Variants in TMEM184A observed in about 807,000 individuals in gnomAD.
TMEM184A encodes the protein transmembrane protein 184A, also known as sexually dimorphic, expressed in male gonads 1.
In TMEM184A, 40 loss-of-function variants were observed where a neutral mutation model predicts 39.5. The observed-to-expected ratio is 1.01, with a 90% CI of 0.79 to 1.32. TMEM184A has a LOEUF of 1.32. Among genes scored for constraint, TMEM184A ranks in the 40% most tolerant of loss-of-function variants. The probability of loss-of-function intolerance (pLI) is 0.00; values close to 1 mark genes in which losing one functional copy is unlikely to be tolerated. For missense variants in TMEM184A, 603 were observed against 568.8 expected (o/e 1.06, Z -0.61); for synonymous variants, 280 against 252.3 (o/e 1.11, Z -1.04).
At chr7:1,551,075 G>A in intron 2 of TMEM184A, 93 bp from the exon 3 acceptor site, 1 of 1,432,528 alleles carries the variant, frequency 7.0e-7, no homozygotes, top group South Asian at 1.3e-5. Flanking sequence ...GTGGGTGCAG[G>A]AGGGTTTGGG....
rs1028357414 is a variant in TMEM184A at position 1,555,399 on chromosome 7, A to C, written c.86T>G (p.Val29Gly). 1.9e-6 allele frequency: 3 copies of C among 1,611,678 alleles called. No individual in the cohort carries two copies. Among genetic ancestry groups the C allele is most frequent in the African/African-American group, 1.3e-5 (1 of 74,788 alleles). Residue 29 changes from valine (V) to glycine (G), a missense_variant, in exon 2 of 9, where the codon GTG becomes GGG. Transcript: ENST00000297477. This position sits in a 1 kb window ranked among gnomAD's most constrained non-coding sequence, Gnocchi z 5.2. ...NWPQPSPPPAVPAGPQMDHMG... is the reference protein window; with the variant it reads ...NWPQPSPPPAGPAGPQMDHMG... ...GTGGTCCATCTGCGGCCCAGCTGGC[A>C]CAGCCGGTGGGGGGCTGGGCTGCGG...
At position 1,550,313 on chromosome 7, in the gene TMEM184A, C is replaced by G; in HGVS notation, c.468G>C (p.Lys156Asn). ...TGGGGTGACGGGCTTACTTGATGGG[C>G]TTTCCACGAATCTCAGCCATGATGG... ...EGAIMAEIRG[K>N]PIKSSCLYGT... The change falls in exon 4 of 9, where the codon AAG (lysine) becomes AAC (asparagine). Residue 156 changes from lysine to asparagine, a missense_variant. Lys to Asn is a moderately conservative substitution (Grantham distance 94). Transcript: ENST00000297477. 1 of 1,612,904 alleles carries G rather than the reference C, an allele frequency of 6.2e-7. No individual in the cohort carries two copies. Among genetic ancestry groups the G allele is most frequent in the Non-Finnish European group, 8.5e-7 (1 of 1,179,754 alleles).
chr7:1,543,416 C>CA lies in TMEM184A; in HGVS notation c.*3535dup, dbSNP rs1265027668. 1 of 152,306 alleles carries CA rather than the reference C, an allele frequency of 6.6e-6. No homozygotes were observed. The highest frequency in any genetic ancestry group is 2.4e-5 in the African/African-American group (1 of 41,468). The allele number at this position is 152,306 out of a possible 1,614,324, so 9.4% of individuals were successfully genotyped here. ...ATCTCGCCCAGCTTTGCTGGACTCT[C>CA]AGAGGAGCCTGCAGGAAGCTGTGAG... On this transcript the variant is annotated 3_prime_UTR_variant, in exon 9 of 9. Coordinates refer to ENST00000297477, the MANE Select transcript of TMEM184A (RefSeq NM_001097620.2).
At position 1,546,699 on chromosome 7, in the gene TMEM184A, G is replaced by T. The variant is rs1158417315; in HGVS notation, c.*253C>A. 4.4e-6 allele frequency: 2 copies of T among 449,770 alleles called. No homozygotes were observed. The highest frequency in any genetic ancestry group is 4.1e-5 in the African/African-American group (2 of 49,182). The allele number at this position is 449,770 out of a possible 1,614,324, so 27.9% of individuals were successfully genotyped here. On this transcript the variant is annotated 3_prime_UTR_variant, in exon 9 of 9. Transcript: ENST00000297477. ...GGGCTGATGGCTGGGTGATCCCAGGGGGTCCCCAGGCTCTTCCGATTGGCT... is the reference window on the plus strand; with the variant it reads ...GGGCTGATGGCTGGGTGATCCCAGGTGGTCCCCAGGCTCTTCCGATTGGCT...
chr7:1,550,785 G>A lies in TMEM184A; in HGVS notation c.385+32C>T, dbSNP rs751315437. ...CAGGCCCCGGGGAGTCTCTCCCTCCGCTCCCCCGACCTGACGCAGCCTGGC... is the reference window on the plus strand; with the variant it reads ...CAGGCCCCGGGGAGTCTCTCCCTCCACTCCCCCGACCTGACGCAGCCTGGC... On this transcript the variant is annotated intron_variant, in intron 3 of 8. Coordinates refer to ENST00000297477, the MANE Select transcript of TMEM184A (RefSeq NM_001097620.2). 2.1e-5 allele frequency: 34 copies of A among 1,608,120 alleles called. No individual in the cohort carries two copies. In the African/African-American group the frequency reaches 2.4e-4, roughly 11 times the overall value.
chr7:1,555,278 G>A lies in TMEM184A; in HGVS notation c.207C>T (p.Leu69=), dbSNP rs1468812514. The A allele has an allele frequency of 6.2e-7, 1 of 1,604,698 alleles. No homozygotes were observed. The highest frequency in any genetic ancestry group is 2.2e-5 in the East Asian group (1 of 44,644). The part of the protein sequence containing the change: ...SGIFVWTALV[L]TCHQIYLHLR... The stretch of plus-strand genomic sequence containing the variant: ...CGGAAGGGCTTACCTGGTGGCAGGT[G>A]AGCACCAGGGCAGTCCACACGAAGA... Residue 69 remains leucine (L), a synonymous_variant, in exon 2 of 9, where the codon CTC becomes CTT. Transcript: ENST00000297477. The surrounding 1 kb of genome is among the most constrained non-coding windows in gnomAD (Gnocchi z 5.2).
At chr7:1,547,666 A>G (rs1784401346) in intron 8 of TMEM184A, 76 bp downstream of exon 8, 1 of 1,467,350 alleles carries the variant, frequency 6.8e-7, no homozygotes, top group African/African-American at 1.4e-5. Context: ...GGGCCTCGAG[A>G]ATGGCACGGA....
At position 1,542,448 on chromosome 7, in the gene TMEM184A, G is replaced by A. The variant is rs762124325; in HGVS notation, c.*4504C>T. ...TGGGCCCCGCAGGACAGGCCGCAGC[G>A]GGTGGCCGGTTCTGTCCCGTCTTGG... On this transcript the variant is annotated 3_prime_UTR_variant, in exon 9 of 9. Transcript: ENST00000297477. 3.3e-5 allele frequency: 5 copies of A among 152,388 alleles called. No individual in the cohort carries two copies. Among genetic ancestry groups the A allele is most frequent in the East Asian group, 3.9e-4 (2 of 5,174 alleles). 9.4% of individuals were successfully genotyped at this position (152,388 alleles called of 1,614,324 possible).
At position 1,547,605 on chromosome 7, in the gene TMEM184A, C is replaced by T. The variant is rs116341605; in HGVS notation, c.1012+137G>A. 856 of 916,088 alleles carry T rather than the reference C, an allele frequency of 9.3e-4. 4 individuals carry two copies. The African/African-American group carries it at 0.012, about 13-fold the overall frequency. 56.7% of individuals were successfully genotyped at this position (916,088 alleles called of 1,614,324 possible). A position where few individuals can be genotyped will look rare whatever the true frequency, so the allele number is the denominator to read the frequency against. Reference sequence around the variant, plus strand: ...ACCCCACACAGCCCAGGTGCCTGTCCGGAGCCGGATGCCCTTTGCCCGTCT... The same window carrying T: ...ACCCCACACAGCCCAGGTGCCTGTCTGGAGCCGGATGCCCTTTGCCCGTCT... On this transcript the variant is annotated intron_variant, in intron 8 of 8. Coordinates refer to ENST00000297477, the MANE Select transcript of TMEM184A (RefSeq NM_001097620.2).
At chr7:1,550,449 C>T in intron 3 of TMEM184A, 54 bp from the exon 4 acceptor site, 3 of 1,442,236 alleles carry the variant, frequency 2.1e-6, no homozygotes, top group Non-Finnish European at 2.9e-6. Context: ...CACCGGGACC[C>T]CATGGCGCCC....
chr7:1,550,024 G>T, intron 5 of TMEM184A, 79 bp from the exon 6 acceptor site: 2 of 1,587,776 alleles, frequency 1.3e-6, no homozygotes, highest in South Asian at 2.2e-5. Flanking sequence ...AGCCAGCAAT[G>T]AGCAGCCCCC....
chr7:1,548,273 A>G (rs60446088), intron 7 of TMEM184A, among the ~76,000 whole-genome samples: 6,971 of 93,764 alleles, frequency 0.074, 501 homozygotes, highest in African/African-American at 0.25. Context: ...GATTCAGGAA[A>G]CACCTGGTGT....
At chr7:1,552,853 G>A (rs942668215) in intron 2 of TMEM184A, among the ~76,000 whole-genome samples, 6 of 152,158 alleles carry the variant, frequency 3.9e-5, no homozygotes, top group Admixed American at 3.3e-4. Flanking sequence ...TCAGGAGTTC[G>A]AGACCGGCCT....
chr7:1,549,442 T>C (rs1170687537), intron 6 of TMEM184A: 3 of 419,582 alleles, frequency 7.1e-6, no homozygotes, highest in Non-Finnish European at 1.5e-5. Context: ...CCAGGTGCCC[T>C]TAATGCCAAG....
chr7:1,554,450 A>T (rs1050195374), intron 2 of TMEM184A, among the ~76,000 whole-genome samples: 2 of 151,998 alleles, frequency 1.3e-5, no homozygotes, highest in African/African-American at 4.8e-5. Flanking sequence ...ACCTCACCGC[A>T]CTGGGGTCAA....
At position 1,543,141 on chromosome 7, in the gene TMEM184A, G is replaced by T. The variant is rs1282347218; in HGVS notation, c.*3811C>A. 1.3e-5 allele frequency: 2 copies of T among 149,130 alleles called. No homozygotes were observed. Among genetic ancestry groups the T allele is most frequent in the East Asian group, 4.0e-4 (2 of 5,008 alleles). The allele number at this position is 149,130 out of a possible 1,614,324, so 9.2% of individuals were successfully genotyped here. Reference sequence around the variant, plus strand: ...CAGGGGACCCTGCCTGTCCCTCACCGGGGTCAGGATCCGGGCACTACGTGT... The same window carrying T: ...CAGGGGACCCTGCCTGTCCCTCACCTGGGTCAGGATCCGGGCACTACGTGT... On this transcript the variant is annotated 3_prime_UTR_variant, in exon 9 of 9. Coordinates refer to ENST00000297477, the MANE Select transcript of TMEM184A (RefSeq NM_001097620.2).
Position 1,547,884 on chromosome 7 carries a change from G to A in TMEM184A, c.870C>T (p.Ser290=), listed in dbSNP as rs61745814. The change falls in exon 8 of 9, where the codon AGC becomes AGT. Residue 290 remains serine (S), a synonymous_variant. Transcript: ENST00000297477. ...RCGVIPEVET[S]GGNKLGAGTL... Reference sequence around the variant, plus strand: ...TGCCAGCCCCCAGCTTGTTCCCGCCGCTGGTCTCCACCTCCGGGATGACCC... The same window carrying A: ...TGCCAGCCCCCAGCTTGTTCCCGCCACTGGTCTCCACCTCCGGGATGACCC... The A allele has an allele frequency of 2.4e-5, 39 of 1,598,398 alleles. No homozygotes were observed. Among genetic ancestry groups the A allele is most frequent in the Admixed American group, 3.4e-5 (2 of 58,192 alleles).
Position 1,553,742 on chromosome 7 carries a change from G to A in TMEM184A, c.219+1524C>T, listed in dbSNP as rs185873533. ...TCAGGAGACCTCTCCCGGGGCTGGC[G>A]CTGCCTGGCTGGGTGACCTTGACAA... On this transcript the variant is annotated intron_variant, in intron 2 of 8. Transcript: ENST00000297477. 5.9e-3 allele frequency among the ~76,000 whole-genome samples: 892 copies of A among 152,198 alleles called. 8 individuals are homozygous for A. The highest frequency in any genetic ancestry group is 0.019 in the African/African-American group (792 of 41,536).
chr7:1,548,895 G>T, intron 6 of TMEM184A: 1 of 706,462 alleles, frequency 1.4e-6, no homozygotes, highest in Non-Finnish European at 2.5e-6. Flanking sequence ...GCCTATGCAG[G>T]GGTAGGGCAG....
Sources: allele counts gnomAD v4.1 joint callset (sites outside exome capture counted in the v4.1 genomes callset), GRCh38; gene constraint gnomAD v4.1.1; non-coding constraint Gnocchi (gnomAD v3.1); transcripts MANE v1.5; gene names NCBI Gene and HGNC (gene_info 2026-07-23, HGNC 2026-07-21).